Variants in PREX1 observed in about 807,000 individuals in gnomAD.
PREX1 encodes the protein phosphatidylinositol-3,4,5-trisphosphate dependent Rac exchange factor 1.
A neutral mutation model predicts 198.3 loss-of-function variants in PREX1; 41 were observed. The ratio of observed to expected loss-of-function variants is 0.21; its 90% CI spans 0.16 to 0.27. The LOEUF is 0.27. Ranked by LOEUF, PREX1 falls within the 10% of genes least tolerant of loss-of-function variation. The pLI is 1.00. For synonymous variants in PREX1, 843 were observed against 887.2 expected (o/e 0.95, Z 0.89); for missense variants, 1,620 against 2,200.7 (o/e 0.74, Z 5.28).
chr20:48,802,587 T>A (rs2090392578), intron 1 of PREX1, among the ~76,000 whole-genome samples: 1 of 152,218 alleles, frequency 6.6e-6, no homozygotes, highest in Non-Finnish European at 1.5e-5. Context: ...TGTTACTGTC[T>A]GCATAGCACT....
intron 10 of PREX1, among the ~76,000 whole-genome samples, chr20:48,682,722 G>A (rs2089760087): frequency 6.6e-6 from 1 of 152,130 alleles, no homozygotes; most frequent in African/African-American, 2.4e-5. Context: ...CCTAGTTCTT[G>A]CGGGTGCTTC....
In PREX1 at chr20:48,720,807, C is replaced by A. The variant is rs543391511; in HGVS notation, c.621+5483G>T. 2.3e-3 allele frequency among the ~76,000 whole-genome samples: 343 copies of A among 152,180 alleles called. 2 individuals carry two copies. Among genetic ancestry groups the A allele is most frequent in the African/African-American group, 7.8e-3 (325 of 41,486 alleles). On this transcript the variant is annotated intron_variant, in intron 5 of 39. Transcript: ENST00000371941. ...ACCTCAGTATCAGCCACTTTCCTCC[C>A]AGCCAAGTAGACAGAGGTAACAGCC...
intron 26 of PREX1, 37 bp from the exon 27 acceptor site, chr20:48,644,534 G>A (rs1441529704): frequency 1.0e-5 from 16 of 1,578,882 alleles, no homozygotes; most frequent in Non-Finnish European, 1.4e-5. Flanking sequence ...GAGTCACCCT[G>A]AGCTCAGGCC....
intron 1 of PREX1, among the ~76,000 whole-genome samples, chr20:48,763,181 T>C (rs546051778): frequency 1.4e-4 from 22 of 152,360 alleles, no homozygotes; most frequent in South Asian, 8.3e-4. Context: ...GATACCTGCA[T>C]CACGGGGGCA....
intron 4 of PREX1, among the ~76,000 whole-genome samples, chr20:48,728,233 T>C (rs917874060): frequency 3.9e-5 from 6 of 152,242 alleles, no homozygotes; most frequent in Non-Finnish European, 7.3e-5. Flanking sequence ...TCCCTGCTTA[T>C]ATTCAAGTGA....
intron 33 of PREX1, among the ~76,000 whole-genome samples, chr20:48,632,936 G>A (rs13040011): frequency 0.013 from 1,934 of 152,270 alleles, 22 homozygotes; most frequent in Non-Finnish European, 0.021. Context: ...AACCTGATGC[G>A]GACTCTGCCT....
chr20:48,663,722 C>T (rs1004560348), intron 15 of PREX1, among the ~76,000 whole-genome samples: 3 of 152,220 alleles, frequency 2.0e-5, no homozygotes, highest in Non-Finnish European at 4.4e-5. Flanking sequence ...GGAGAAACAG[C>T]CAAAAGGCCT....
chr20:48,651,078 T>C, intron 22 of PREX1, 23 bp from the exon 23 acceptor site: 4 of 1,612,516 alleles, frequency 2.5e-6, no homozygotes, highest in Non-Finnish European at 3.4e-6. Context: ...CAACAGCTAC[T>C]GAGCATTCCC....
chr20:48,792,829 C>A (rs1163179623), intron 1 of PREX1, among the ~76,000 whole-genome samples: 1 of 146,100 alleles, frequency 6.8e-6, no homozygotes. Context: ...CACACACACA[C>A]ACACACACAC....
At chr20:48,628,369 G>C (rs1339614167) in intron 37 of PREX1, among the ~76,000 whole-genome samples, 1 of 152,230 alleles carries the variant, frequency 6.6e-6, no homozygotes, top group East Asian at 1.9e-4. Flanking sequence ...TTTCTCAACA[G>C]TTCTAGAACG....
the PREX1 span, among the ~76,000 whole-genome samples, chr20:48,834,234 T>C: frequency 6.6e-6 from 1 of 152,160 alleles, no homozygotes; most frequent in African/African-American, 2.4e-5. Flanking sequence ...GACTGATACA[T>C]AGAAGGTAAA....
intron 14 of PREX1, among the ~76,000 whole-genome samples, chr20:48,674,415 T>A (rs370773272): frequency 4.3e-4 from 65 of 152,362 alleles, no homozygotes; most frequent in African/African-American, 1.5e-3. Flanking sequence ...TTATGAATGT[T>A]TAACAATTAA....
chr20:48,688,769 T>C lies in PREX1; in HGVS notation c.1222A>G (p.Met408Val). The change falls in exon 10 of 40, where the codon ATG (methionine) becomes GTG (valine). Residue 408 changes from methionine to valine, a missense_variant. Around this residue, in one of 7 missense-constraint regions of PREX1, gnomAD observed 488 missense variants for 802.5 expected, o/e 0.61. Transcript: ENST00000371941. ...KLGMERDAYVMIAEKGEKLYH... is the reference protein window; with the variant it reads ...KLGMERDAYVVIAEKGEKLYH... ...AGCTTCTCCCCCTTCTCCGCAATCATGACGTAGGCATCACGCTCCATGCCC... is the reference window on the plus strand; with the variant it reads ...AGCTTCTCCCCCTTCTCCGCAATCACGACGTAGGCATCACGCTCCATGCCC... The C allele has an allele frequency of 6.2e-7, 1 of 1,614,144 alleles. No individual in the cohort carries two copies. Among genetic ancestry groups the C allele is most frequent in the Non-Finnish European group, 8.5e-7 (1 of 1,180,006 alleles).
chr20:48,792,853 C>T (rs6012530), intron 1 of PREX1, among the ~76,000 whole-genome samples: 14,736 of 145,280 alleles, frequency 0.1, 876 homozygotes, highest in Middle Eastern at 0.2. Flanking sequence ...CACACACACA[C>T]ATAGTATGAT....
At chr20:48,742,021 T>C (rs1028037703) in intron 3 of PREX1, among the ~76,000 whole-genome samples, 1 of 152,156 alleles carries the variant, frequency 6.6e-6, no homozygotes, top group African/African-American at 2.4e-5. Flanking sequence ...TGATTGATGT[T>C]TCCAGCAGGT....
chr20:48,727,566 A>G (rs572366901), intron 4 of PREX1, among the ~76,000 whole-genome samples: 2 of 152,176 alleles, frequency 1.3e-5, no homozygotes, highest in South Asian at 2.1e-4. Context: ...CACCCTATCA[A>G]CTGAAAACTA....
At chr20:48,636,408 G>A in intron 32 of PREX1, 55 bp downstream of exon 32, 1 of 1,523,564 alleles carries the variant, frequency 6.6e-7, no homozygotes, top group East Asian at 2.3e-5. Flanking sequence ...GACCCGGCCT[G>A]GGCGGGCACC....
chr20:48,819,425 T>C (rs1175566384), intron 1 of PREX1, among the ~76,000 whole-genome samples: 1 of 152,192 alleles, frequency 6.6e-6, no homozygotes, highest in Non-Finnish European at 1.5e-5. Flanking sequence ...CTTGGTCAAA[T>C]GTCATCTCCC....
intron 1 of PREX1, among the ~76,000 whole-genome samples, chr20:48,809,095 G>A (rs2090424019): frequency 6.6e-6 from 1 of 152,204 alleles, no homozygotes; most frequent in Non-Finnish European, 1.5e-5. Flanking sequence ...TATGTTGCTT[G>A]GAAAGTGTCC....
Sources: gnomAD v4.1 joint callset for allele counts (sites outside exome capture counted in the v4.1 genomes callset) on GRCh38, gnomAD v4.1.1 for gene constraint, gnomAD v4.1.1 regional missense constraint, MANE v1.5 for transcripts, NCBI Gene and HGNC (gene_info 2026-07-23, HGNC 2026-07-21) for gene names.